The following INTS9 variants were observed in gnomAD, a reference collection of about 807,000 sequenced individuals.
INTS9 encodes the protein protein related to CPSF subunits of 74 kDa.
Under a neutral mutation model 79.7 loss-of-function variants are expected in INTS9, and 55 were observed. The observed-to-expected ratio is 0.69, with a 90% CI of 0.56 to 0.86. The LOEUF (loss-of-function observed/expected upper bound fraction) is 0.86. INTS9 is among the 40% of genes least tolerant of loss of function. The pLI, the probability that INTS9 is intolerant of heterozygous loss-of-function variation, is 0.00. For synonymous variants in INTS9, 319 were observed against 325.2 expected, an observed-to-expected ratio of 0.98 and a Z score of 0.20; for missense variants, 721 against 831.5, an observed-to-expected ratio of 0.87 and a Z score of 1.64.
chr8:28,774,766 T>A (rs1285539307), intron 14 of INTS9, among the ~76,000 whole-genome samples: 1 of 152,164 alleles, frequency 6.6e-6, no homozygotes, highest in African/African-American at 2.4e-5. Flanking sequence ...TGAAAACACA[T>A]TCAAGTTGCC....
intron 2 of INTS9, among the ~76,000 whole-genome samples, chr8:28,859,006 A>T (rs537507981): frequency 1.3e-5 from 2 of 152,240 alleles, no homozygotes; most frequent in Non-Finnish European, 2.9e-5. Context: ...TTCTAAATCT[A>T]AAGTTGACTT....
chr8:28,879,975 G>C (rs560526054), intron 1 of INTS9, among the ~76,000 whole-genome samples: 1 of 152,088 alleles, frequency 6.6e-6, no homozygotes, highest in Admixed American at 6.6e-5. Context: ...GCACAACTCT[G>C]AAATCTACTA....
At chr8:28,832,554 C>A (rs1473969877) in intron 6 of INTS9, among the ~76,000 whole-genome samples, 2 of 152,172 alleles carry the variant, frequency 1.3e-5, no homozygotes, top group South Asian at 4.1e-4. Flanking sequence ...GAGTATGGAC[C>A]CTGCAGCCAG....
intron 2 of INTS9, among the ~76,000 whole-genome samples, chr8:28,855,116 C>T (rs1317390298): frequency 1.3e-5 from 2 of 152,192 alleles, no homozygotes; most frequent in African/African-American, 4.8e-5. Flanking sequence ...TCCAGCTAGT[C>T]CCCATCATTA....
chr8:28,780,893 G>T lies in INTS9; in HGVS notation c.1200C>A (p.Leu400=). The T allele has an allele frequency of 6.2e-7, 1 of 1,614,200 alleles. No homozygotes were observed. Among genetic ancestry groups the T allele is most frequent in the Admixed American group, 1.7e-5 (1 of 60,024 alleles). Residue 400 remains leucine (L), a synonymous_variant, in exon 12 of 17, where the codon CTC becomes CTA. Transcript: ENST00000521022. ...PCVVFTGHPS[L]RFGDVVHFME... ...TGAAGTGGACCACGTCCCCGAAGCG[G>T]AGGGAAGGGTGCCCGGTGAACACCA... is the stretch of plus-strand genomic sequence containing the variant.
At chr8:28,822,289 A>G (rs748194789) in intron 6 of INTS9, among the ~76,000 whole-genome samples, 3 of 147,974 alleles carry the variant, frequency 2.0e-5, no homozygotes, top group Non-Finnish European at 1.5e-5. Context: ...AACACAGAAA[A>G]TGGGGGTAGA....
At chr8:28,889,712 C>A (rs1026689560) in intron 1 of INTS9, 162 bp downstream of exon 1, 11 of 701,642 alleles carry the variant, frequency 1.6e-5, no homozygotes, top group Non-Finnish European at 2.6e-5. Flanking sequence ...GGAATTCAAA[C>A]CTTCTCAACA....
intron 13 of INTS9, among the ~76,000 whole-genome samples, chr8:28,776,916 G>A (rs1042194715): frequency 3.3e-5 from 5 of 152,172 alleles, no homozygotes; most frequent in African/African-American, 1.2e-4. Context: ...CTTCTAACGT[G>A]GATGAGCATA....
chr8:28,813,538 T>A lies in INTS9; in HGVS notation c.563A>T (p.Asn188Ile). ...CAGCTGGATTTTACTAAGGGCAGAG[T>A]TCACCTCTTGCATTGTATAGCATCT... The part of the protein sequence containing the change: ...WRRCYTMQEV[N>I]SALSKIQLVG... The change falls in exon 7 of 17, where the codon AAC becomes ATC. Residue 188 changes from asparagine to isoleucine, a missense_variant. Coordinates refer to ENST00000521022, the MANE Select transcript of INTS9 (RefSeq NM_018250.4). 1.9e-6 allele frequency: 3 copies of A among 1,613,500 alleles called. No homozygotes were observed. Among genetic ancestry groups the A allele is most frequent in the South Asian group, 1.1e-5 (1 of 91,050 alleles).
chr8:28,843,211 CA>C (rs1211098266), intron 4 of INTS9, among the ~76,000 whole-genome samples: 2 of 152,192 alleles, frequency 1.3e-5, no homozygotes, highest in East Asian at 3.8e-4. Flanking sequence ...CTTCAAGGAT[CA>C]GGGGTTGGCC....
chr8:28,850,045 A>T, intron 3 of INTS9, 168 bp downstream of exon 3: 1 of 506,766 alleles, frequency 2.0e-6, no homozygotes, highest in Non-Finnish European at 3.5e-6. Flanking sequence ...AAACATGCTT[A>T]AAAACAGCAG....
chr8:28,771,128 A>G (rs751329651), intron 14 of INTS9, 48 bp from the exon 15 acceptor site: 17 of 1,210,646 alleles, frequency 1.4e-5, no homozygotes, highest in East Asian at 1.2e-4. Flanking sequence ...AATGATGACC[A>G]TTACTCTTCC....
At chr8:28,770,941 TG>T (rs1413144659) in intron 15 of INTS9, 40 bp downstream of exon 15, 48 of 1,412,660 alleles carry the variant, frequency 3.4e-5, no homozygotes, top group Non-Finnish European at 4.6e-5. Context: ...GGTTTCTTGC[TG>T]GGGAGAGGGT....
chr8:28,826,287 CAAAAG>C (rs1806135727), intron 6 of INTS9, among the ~76,000 whole-genome samples: 1 of 151,726 alleles, frequency 6.6e-6, no homozygotes, highest in Non-Finnish European at 1.5e-5. Context: ...AAATGACACT[CAAAAG>C]AAAAAAAGTT....
At chr8:28,811,125 T>G (rs1471198353) in intron 8 of INTS9, among the ~76,000 whole-genome samples, 2 of 138,416 alleles carry the variant, frequency 1.4e-5, no homozygotes, top group East Asian at 4.7e-4. Flanking sequence ...TTTCTTTCTC[T>G]CTCTTTTTTT....
chr8:28,871,881 A>C (rs1455625777), intron 1 of INTS9, among the ~76,000 whole-genome samples: 2 of 152,240 alleles, frequency 1.3e-5, no homozygotes, highest in Non-Finnish European at 2.9e-5. Flanking sequence ...TATCCTTAAT[A>C]TATAAAGAGC....
intron 14 of INTS9, among the ~76,000 whole-genome samples, chr8:28,773,314 A>G (rs977934656): frequency 2.0e-5 from 3 of 151,736 alleles, no homozygotes; most frequent in Admixed American, 6.6e-5. Context: ...ATACAAAAAA[A>G]TTAGCTGGGC....
intron 8 of INTS9, among the ~76,000 whole-genome samples, chr8:28,811,704 A>G (rs1049629857): frequency 4.6e-5 from 7 of 152,276 alleles, no homozygotes; most frequent in African/African-American, 1.7e-4. Flanking sequence ...TACAGGTATG[A>G]GCCACCGCGC....
rs747689692 is a variant in INTS9 at position 28,770,011 on chromosome 8, C to T, written c.1678G>A (p.Ala560Thr). ...CTCTTCTTCCCGCTCGTGGGCTGGG[C>T]GGGCCGAGGAGGGGGCTAGAGCAGA... is the stretch of plus-strand genomic sequence containing the variant. ...KHLLQPPPRP[A>T]QPTSGKKRKR... The change falls in exon 16 of 17, where the codon GCC becomes ACC. Residue 560 changes from alanine to threonine, a missense_variant. Coordinates refer to ENST00000521022, the MANE Select transcript of INTS9 (RefSeq NM_018250.4). 1.4e-5 allele frequency: 22 copies of T among 1,613,800 alleles called. No homozygotes were observed. Among genetic ancestry groups the T allele is most frequent in the Middle Eastern group, 1.6e-4 (1 of 6,084 alleles).
Sources: allele counts gnomAD v4.1 joint callset (sites outside exome capture counted in the v4.1 genomes callset), GRCh38; gene constraint gnomAD v4.1.1; transcripts MANE v1.5; gene names NCBI Gene and HGNC (gene_info 2026-07-23, HGNC 2026-07-21).